CHCHD6: variants seen among roughly 807,000 people sequenced by gnomAD.
The protein encoded by CHCHD6 is MICOS complex subunit MIC25.
CHCHD6 carries 28 observed loss-of-function variants against 32.3 expected under a neutral mutation model. The observed-to-expected ratio is 0.87, with a 90% CI of 0.64 to 1.19. The LOEUF (loss-of-function observed/expected upper bound fraction) is 1.19, where lower values mean the gene tolerates loss of function less well. Ranked by LOEUF, CHCHD6 falls within the 50% of genes most tolerant of loss-of-function variation. The probability of loss-of-function intolerance (pLI) is 0.00; values close to 1 mark genes in which losing one functional copy is unlikely to be tolerated. For missense variants in CHCHD6, 333 were observed against 307.0 expected, an observed-to-expected ratio of 1.08 and a Z score of -0.63; for synonymous variants, 122 against 117.5, an observed-to-expected ratio of 1.04 and a Z score of -0.25.
At chr3:126,762,868 A>G (rs1937215010) in intron 4 of CHCHD6, among the ~76,000 whole-genome samples, 1 of 151,980 alleles carries the variant, frequency 6.6e-6, no homozygotes, top group Non-Finnish European at 1.5e-5. Flanking sequence ...TTTATTTTGC[A>G]TATTATTATA....
chr3:126,934,333 T>C lies in CHCHD6; in HGVS notation c.566+19583T>C, dbSNP rs141010364. Among the ~76,000 whole-genome samples the C allele has an allele frequency of 5.8e-4, 88 of 152,224 alleles. 1 individual carries two copies. The highest frequency in any genetic ancestry group is 3.4e-3 in the Middle Eastern group (1 of 294). On this transcript the variant is annotated intron_variant, in intron 6 of 7. Coordinates refer to ENST00000290913, the MANE Select transcript of CHCHD6 (RefSeq NM_032343.3). Reference sequence around the variant, plus strand: ...GAATGCCCGGGAGTTTTACTTAAGCTAACAAATGATTACCCTTCCCATTAG... The same window carrying C: ...GAATGCCCGGGAGTTTTACTTAAGCCAACAAATGATTACCCTTCCCATTAG...
chr3:126,919,945 C>A (rs2078222743), intron 6 of CHCHD6, among the ~76,000 whole-genome samples: 1 of 151,892 alleles, frequency 6.6e-6, no homozygotes, highest in South Asian at 2.1e-4. Context: ...TTTTGGAAAT[C>A]TCTTACCATT....
chr3:126,766,439 G>C, intron 4 of CHCHD6: 2 of 651,210 alleles, frequency 3.1e-6, no homozygotes, highest in Non-Finnish European at 5.8e-6. Flanking sequence ...GAGCATCAAA[G>C]GGTTTGGCGG....
chr3:126,923,798 C>G (rs1004719564), intron 6 of CHCHD6, among the ~76,000 whole-genome samples: 5 of 152,296 alleles, frequency 3.3e-5, no homozygotes, highest in Admixed American at 1.3e-4. Context: ...AGTAAGCACT[C>G]GATGCATGGT....
chr3:126,778,346 A>G (rs72978836), intron 4 of CHCHD6, among the ~76,000 whole-genome samples: 4,168 of 152,270 alleles, frequency 0.027, 129 homozygotes, highest in East Asian at 0.14. Context: ...GAATGTTGGG[A>G]CTGTTTTCCA....
chr3:126,831,447 A>T (rs1307010533), intron 4 of CHCHD6, among the ~76,000 whole-genome samples: 1 of 152,120 alleles, frequency 6.6e-6, no homozygotes. Flanking sequence ...GCTGTATTGC[A>T]ATTAGTTTTA....
intron 5 of CHCHD6, among the ~76,000 whole-genome samples, chr3:126,903,396 G>A (rs1173925229): frequency 6.6e-6 from 1 of 152,102 alleles, no homozygotes. Context: ...CTTTTGGGTT[G>A]TCCTTGGATT....
At chr3:126,854,566 A>G (rs975849570) in intron 5 of CHCHD6, among the ~76,000 whole-genome samples, 6 of 152,144 alleles carry the variant, frequency 3.9e-5, no homozygotes, top group Non-Finnish European at 7.4e-5. Context: ...GCATCTGACA[A>G]TCTTTTTTTA....
intron 6 of CHCHD6, among the ~76,000 whole-genome samples, chr3:126,921,550 TCTC>T (rs2078247451): frequency 6.6e-6 from 1 of 152,154 alleles, no homozygotes; most frequent in African/African-American, 2.4e-5. Context: ...TGTCTTGGCT[TCTC>T]CTTGTCAGGA....
At chr3:126,770,875 T>G (rs1937530808) in intron 4 of CHCHD6, among the ~76,000 whole-genome samples, 1 of 152,228 alleles carries the variant, frequency 6.6e-6, no homozygotes, top group Non-Finnish European at 1.5e-5. Context: ...TCCTCCTCAA[T>G]TTTTTGAAAT....
intron 5 of CHCHD6, among the ~76,000 whole-genome samples, chr3:126,904,700 A>G (rs1054246007): frequency 1.3e-5 from 2 of 152,186 alleles, no homozygotes; most frequent in East Asian, 1.9e-4. Flanking sequence ...ACTCCCCATC[A>G]TGGCACTAAC....
chr3:126,882,153 G>A (rs144216352), intron 5 of CHCHD6, among the ~76,000 whole-genome samples: 73 of 152,252 alleles, frequency 4.8e-4, no homozygotes, highest in South Asian at 1.2e-3. Flanking sequence ...CGTCAGGGGC[G>A]TCTGCCAGAT....
At chr3:126,911,154 C>G (rs1167826318) in intron 5 of CHCHD6, among the ~76,000 whole-genome samples, 1 of 152,176 alleles carries the variant, frequency 6.6e-6, no homozygotes, top group Non-Finnish European at 1.5e-5. Context: ...TTCAGGTGCC[C>G]CACAGCACCT....
chr3:126,779,478 G>C (rs992412650), intron 4 of CHCHD6, among the ~76,000 whole-genome samples: 35 of 149,860 alleles, frequency 2.3e-4, no homozygotes, highest in Admixed American at 2.2e-3. Context: ...TGGAGGTTGC[G>C]GTAAGCCGAG....
intron 4 of CHCHD6, among the ~76,000 whole-genome samples, chr3:126,832,554 A>G (rs543979267): frequency 6.0e-4 from 92 of 152,258 alleles, no homozygotes; most frequent in Non-Finnish European, 1.1e-3. Flanking sequence ...TAAACCTCTC[A>G]GATTCTGAGC....
At chr3:126,780,412 G>A in intron 4 of CHCHD6, 2 of 383,494 alleles carry the variant, frequency 5.2e-6, no homozygotes, top group Non-Finnish European at 5.1e-6. Context: ...TCTTCCAGCC[G>A]CCTGGCTCCC....
intron 4 of CHCHD6, among the ~76,000 whole-genome samples, chr3:126,753,285 T>C (rs182542896): frequency 1.3e-5 from 2 of 152,280 alleles, no homozygotes; most frequent in Admixed American, 6.5e-5. Context: ...GAACCTCAAG[T>C]TGGCATCTGG....
intron 4 of CHCHD6, among the ~76,000 whole-genome samples, chr3:126,754,136 G>T (rs887088111): frequency 6.6e-6 from 1 of 152,200 alleles, no homozygotes; most frequent in Non-Finnish European, 1.5e-5. Context: ...AGTCTGAACT[G>T]CCTTGAGAGA....
intron 1 of CHCHD6, among the ~76,000 whole-genome samples, chr3:126,718,248 A>G (rs188268054): frequency 1.2e-3 from 179 of 152,316 alleles, no homozygotes; most frequent in Admixed American, 3.7e-3. Context: ...TGATCAACTC[A>G]TGTATTTTTA....
Sources: gnomAD v4.1 joint callset for allele counts (sites outside exome capture counted in the v4.1 genomes callset) on GRCh38, gnomAD v4.1.1 for gene constraint, MANE v1.5 for transcripts, NCBI Gene and HGNC (gene_info 2026-07-23, HGNC 2026-07-21) for gene names.